Variants in MYO19 observed in about 807,000 individuals in gnomAD.
The protein encoded by MYO19 is myosin XIX.
A neutral mutation model predicts 129.2 loss-of-function variants in MYO19; 132 were observed. That is an observed-to-expected ratio of 1.02 (90% CI 0.89 to 1.18). The LOEUF (loss-of-function observed/expected upper bound fraction) is 1.18, where lower values mean the gene tolerates loss of function less well. MYO19 is among the 50% of genes most tolerant of loss of function. The pLI, the probability that MYO19 is intolerant of heterozygous loss-of-function variation, is 0.00. For missense variants in MYO19, 1,210 were observed against 1,216.7 expected, an observed-to-expected ratio of 0.99 and a Z score of 0.08; for synonymous variants, 531 against 477.2, an observed-to-expected ratio of 1.11 and a Z score of -1.47.
rs114985663 is a variant in MYO19, at chr17:36,513,297, T to C, written c.894+132A>G. 972 of 1,550,256 alleles carry C rather than the reference T, an allele frequency of 6.3e-4. 4 individuals carry two copies. In the African/African-American group the frequency reaches 0.011, roughly 18 times the overall value. On this transcript the variant is annotated intron_variant, in intron 11 of 25. Transcript: ENST00000614623. Reference sequence around the variant, plus strand: ...AGCAGAACAGAGGTGACTGATTCCTTGGAGGTAGCACAGAAGGGCCCAAAG... The same window carrying C: ...AGCAGAACAGAGGTGACTGATTCCTCGGAGGTAGCACAGAAGGGCCCAAAG...
At position 36,498,181 on chromosome 17, in the gene MYO19, C is replaced by T. The variant is rs371087808; in HGVS notation, c.2757+85G>A. 14 of 1,463,318 alleles carry T rather than the reference C, an allele frequency of 9.6e-6. No homozygotes were observed. In the African/African-American group the frequency reaches 1.1e-4, roughly 12 times the overall value. The allele number at this position is 1,463,318 out of a possible 1,614,324, so 90.6% of individuals were successfully genotyped here. On this transcript the variant is annotated intron_variant, in intron 25 of 25. Transcript: ENST00000614623. Reference sequence around the variant, plus strand: ...TTAGGGATGGATCTTGTCCCAGCCTCAGTCTCATTCCCGCTGTGAACTTGT... The same window carrying T: ...TTAGGGATGGATCTTGTCCCAGCCTTAGTCTCATTCCCGCTGTGAACTTGT...
intron 23 of MYO19, 164 bp downstream of exon 23, chr17:36,500,666 A>T: frequency 1.0e-6 from 1 of 982,310 alleles, no homozygotes; most frequent in Non-Finnish European, 1.5e-6. Context: ...GAGAGACGTT[A>T]TGAGTGAGGG....
intron 6 of MYO19, among the ~76,000 whole-genome samples, chr17:36,516,374 T>C (rs1253635571): frequency 6.6e-6 from 1 of 152,204 alleles, no homozygotes; most frequent in East Asian, 1.9e-4. Flanking sequence ...CCAAGCAGTC[T>C]AACTTTTTTT....
chr17:36,506,911 G>C, intron 17 of MYO19, 52 bp downstream of exon 17: 9 of 1,482,400 alleles, frequency 6.1e-6, no homozygotes, highest in Non-Finnish European at 8.1e-6. Context: ...GCATAGCAAA[G>C]ACCCAGCATC....
intron 8 of MYO19, 150 bp from the exon 9 acceptor site, chr17:36,514,698 C>G (rs1239237084): frequency 3.2e-6 from 2 of 628,196 alleles, no homozygotes; most frequent in Admixed American, 5.7e-5. Context: ...GGGGACCACT[C>G]AGAATGTCCT....
In MYO19 at chr17:36,503,173, T is replaced by A. The variant is rs759109917; in HGVS notation, c.2004A>T (p.Arg668=). Residue 668 remains arginine, a synonymous_variant, in exon 21 of 26, where the codon CGA becomes CGT. Coordinates refer to ENST00000614623, the MANE Select transcript of MYO19 (RefSeq NM_001163735.2). ...IRVSHRNFVE[R]YKLLRRLHPC... ...GATGAAGCCTTCTTAGTAACTTGTA[T>A]CGTTCTACAAAGTTTCGGTGAGAGA... The A allele has an allele frequency of 2.5e-6, 4 of 1,614,028 alleles. No homozygotes were observed. The East Asian group carries it at 8.9e-5, about 36-fold the overall frequency.
intron 25 of MYO19, 143 bp downstream of exon 25, chr17:36,498,123 G>A (rs2142678439): frequency 2.5e-6 from 2 of 796,950 alleles, no homozygotes; most frequent in East Asian, 2.6e-5. Flanking sequence ...GCAGCTGATT[G>A]GGACATGCAG....
intron 3 of MYO19, among the ~76,000 whole-genome samples, chr17:36,528,996 A>G (rs746826413): frequency 6.6e-6 from 1 of 152,090 alleles, no homozygotes; most frequent in African/African-American, 2.4e-5. Flanking sequence ...AGGTAGCCCC[A>G]TGTCTTCATC....
chr17:36,537,099 A>C, upstream of MYO19: 4 of 1,579,846 alleles, frequency 2.5e-6, no homozygotes, highest in Non-Finnish European at 3.4e-6. Context: ...CACAGGAAGA[A>C]AAATGTCTGA....
chr17:36,503,029 A>C (rs2071637137), intron 21 of MYO19, 68 bp downstream of exon 21: 4 of 1,352,590 alleles, frequency 3.0e-6, no homozygotes, highest in Non-Finnish European at 4.2e-6. Flanking sequence ...TAGCCCTAAG[A>C]CAGGGCACAG....
upstream of MYO19, chr17:36,537,721 G>A (rs576740851): frequency 1.2e-6 from 2 of 1,614,046 alleles, no homozygotes; most frequent in East Asian, 2.2e-5. Context: ...TACTCTGTTT[G>A]GCCATTAGTC....
At chr17:36,524,930 A>C (rs1859352232) in intron 6 of MYO19, among the ~76,000 whole-genome samples, 1 of 152,208 alleles carries the variant, frequency 6.6e-6, no homozygotes, top group African/African-American at 2.4e-5. Flanking sequence ...TTTTGTTTCC[A>C]GTAGTGTCAA....
At chr17:36,520,500 G>T (rs2142216556) in intron 6 of MYO19, among the ~76,000 whole-genome samples, 1 of 152,160 alleles carries the variant, frequency 6.6e-6, no homozygotes. Flanking sequence ...TGTTTGAATT[G>T]CATGGGTCCA....
chr17:36,497,340 A>G (rs2071082121), intron 25 of MYO19, among the ~76,000 whole-genome samples: 1 of 150,978 alleles, frequency 6.6e-6, no homozygotes, highest in African/African-American at 2.4e-5. Context: ...AAAAACCCAC[A>G]GAGAACTTGG....
At chr17:36,540,113 C>T (rs1296175183) in intron 2 of MYO19, among the ~76,000 whole-genome samples, 1 of 151,950 alleles carries the variant, frequency 6.6e-6, no homozygotes, top group Non-Finnish European at 1.5e-5. Flanking sequence ...AGGCAGGGGC[C>T]ACATCAGGCA....
intron 2 of MYO19, among the ~76,000 whole-genome samples, chr17:36,540,548 T>G (rs2074192002): frequency 6.6e-6 from 1 of 152,032 alleles, no homozygotes; most frequent in Admixed American, 6.5e-5. Context: ...TTTTTGTATT[T>G]TTAGTAGAGA....
upstream of MYO19, among the ~76,000 whole-genome samples, chr17:36,543,779 C>A (rs1379303446): frequency 6.6e-6 from 1 of 152,116 alleles, no homozygotes; most frequent in Non-Finnish European, 1.5e-5. Flanking sequence ...TACATGCCAC[C>A]ACGCCCGGCT....
chr17:36,498,558 A>T lies in MYO19; in HGVS notation c.2465T>A (p.Ile822Asn), dbSNP rs780521657. 3 of 1,606,502 alleles carry T rather than the reference A, an allele frequency of 1.9e-6. No individual in the cohort carries two copies. The East Asian group carries it at 6.7e-5, about 36-fold the overall frequency. ...VIKRAWQKWRIRMACLAAKEL... is the reference protein window; with the variant it reads ...VIKRAWQKWRNRMACLAAKEL... Reference sequence around the variant, plus strand: ...TTTAGCAGCAAGGCAGGCCATTCTGATCTTAAAAAGCAAATATCCCTTTAT... The same window carrying T: ...TTTAGCAGCAAGGCAGGCCATTCTGTTCTTAAAAAGCAAATATCCCTTTAT... Residue 822 changes from isoleucine (I) to asparagine (N), a missense_variant and splice_region_variant, in exon 25 of 26, where the codon ATC (isoleucine) becomes AAC (asparagine). By Grantham distance (149) the Ile-to-Asn change is moderately radical. Transcript: ENST00000614623.
In MYO19 at chr17:36,496,333, C is replaced by T; in HGVS notation, c.2831G>A (p.Ser944Asn). The T allele has an allele frequency of 1.2e-6, 2 of 1,613,946 alleles. No individual in the cohort carries two copies. The highest frequency in any genetic ancestry group is 8.5e-7 in the Non-Finnish European group (1 of 1,179,878). ...CAGAATCTGATTAAAGCCTGTAATG[C>T]TGTAGGGTGAAGGTTCAGGGCAGAT... ...ADICPEPSPY[S>N]ITGFNQILLE... Residue 944 changes from serine to asparagine, a missense_variant, in exon 26 of 26, where the codon AGC (serine) becomes AAC (asparagine). Ser to Asn is a conservative substitution (Grantham distance 46). Coordinates refer to ENST00000614623, the MANE Select transcript of MYO19 (RefSeq NM_001163735.2).
Sources: gnomAD v4.1 joint callset for allele counts (sites outside exome capture counted in the v4.1 genomes callset) on GRCh38, gnomAD v4.1.1 for gene constraint, MANE v1.5 for transcripts, NCBI Gene and HGNC (gene_info 2026-07-23, HGNC 2026-07-21) for gene names.